The following LDLRAD4 variants were observed in gnomAD, a reference collection of about 807,000 sequenced individuals.
LDLRAD4 encodes the protein low density lipoprotein receptor class A domain containing 4.
A neutral mutation model predicts 17.0 loss-of-function variants in LDLRAD4; 5 were observed. The observed-to-expected ratio is 0.29, with a 90% CI of 0.15 to 0.62. LDLRAD4 has a LOEUF of 0.62. Among genes scored for constraint, LDLRAD4 ranks in the 20% least tolerant of loss-of-function variants. LDLRAD4 has a pLI of 0.84. For missense variants in LDLRAD4, 340 were observed against 424.7 expected, an observed-to-expected ratio of 0.80 and a Z score of 1.75; for synonymous variants, 168 against 171.8, an observed-to-expected ratio of 0.98 and a Z score of 0.17.
chr18:13,231,096 G>A lies in LDLRAD4; in HGVS notation c.-467+12108G>A, dbSNP rs1259256158. On this transcript the variant is annotated intron_variant, in intron 1 of 5. Coordinates refer to the LDLRAD4 transcript ENST00000399848. The stretch of plus-strand genomic sequence containing the variant: ...GTCCAGGGTGCTGCGGGGCTGCAGG[G>A]ATGAGTGAAGGTTCTTTCCCTGCCT... Among the ~76,000 whole-genome samples the A allele has an allele frequency of 5.3e-5, 8 of 152,202 alleles. No homozygotes were observed. The East Asian group carries it at 1.5e-3, about 29-fold the overall frequency.
At chr18:13,550,614 G>A (rs866269636) in intron 3 of LDLRAD4, among the ~76,000 whole-genome samples, 34 of 152,238 alleles carry the variant, frequency 2.2e-4, no homozygotes, top group Admixed American at 1.6e-3. Context: ...CCATCAAGAC[G>A]ATGAGTCCCG....
chr18:13,442,439 A>G (rs181592948), intron 3 of LDLRAD4, among the ~76,000 whole-genome samples: 39 of 152,340 alleles, frequency 2.6e-4, no homozygotes, highest in African/African-American at 9.1e-4. Context: ...CAGGGCCCAG[A>G]AGAGCATGAG....
At chr18:13,335,537 T>C (rs753672018) in intron 1 of LDLRAD4, among the ~76,000 whole-genome samples, 2 of 152,232 alleles carry the variant, frequency 1.3e-5, no homozygotes, top group African/African-American at 4.8e-5. Flanking sequence ...TTAGATTTGG[T>C]TGACCACTTT....
intron 1 of LDLRAD4, among the ~76,000 whole-genome samples, chr18:13,229,820 A>G (rs1411589582): frequency 6.6e-6 from 1 of 152,212 alleles, no homozygotes; most frequent in East Asian, 1.9e-4. Context: ...CTGGTGGAAG[A>G]CAGGTGTGCC....
At chr18:13,624,089 A>G (rs968688454) in intron 4 of LDLRAD4, among the ~76,000 whole-genome samples, 1 of 152,294 alleles carries the variant, frequency 6.6e-6, no homozygotes, top group African/African-American at 2.4e-5. Context: ...CCTACAGTGC[A>G]CAGGCAGTCC....
chr18:13,648,876 T>C (rs1414380494), exon 6 of LDLRAD4: 1 of 152,214 alleles, frequency 6.6e-6, no homozygotes. Context: ...GTTTGCTTTT[T>C]CAGAAACTCT....
chr18:13,318,285 A>C (rs1010849363), intron 1 of LDLRAD4, among the ~76,000 whole-genome samples: 3 of 151,516 alleles, frequency 2.0e-5, no homozygotes, highest in Non-Finnish European at 4.4e-5. Flanking sequence ...TTTTTGAGAC[A>C]GAGTCTCCCT....
intron 1 of LDLRAD4, among the ~76,000 whole-genome samples, chr18:13,294,721 T>C (rs1567976723): frequency 1.3e-5 from 2 of 151,812 alleles, no homozygotes; most frequent in African/African-American, 4.8e-5. Context: ...AGAGTCTTAA[T>C]GGTCACTAGG....
chr18:13,482,164 G>GC (rs1016582022), intron 3 of LDLRAD4, among the ~76,000 whole-genome samples: 8 of 152,152 alleles, frequency 5.3e-5, no homozygotes, highest in Non-Finnish European at 1.2e-4. Context: ...AGGGCTGGGG[G>GC]CCTGCAGAGA....
chr18:13,298,469 C>T (rs545052423), intron 1 of LDLRAD4, among the ~76,000 whole-genome samples: 22 of 132,062 alleles, frequency 1.7e-4, no homozygotes, highest in East Asian at 1.6e-3. Context: ...GCTCTGGGCA[C>T]GGTGATGGAG....
At chr18:13,329,690 C>A (rs1243659832) in intron 1 of LDLRAD4, among the ~76,000 whole-genome samples, 1 of 152,152 alleles carries the variant, frequency 6.6e-6, no homozygotes, top group African/African-American at 2.4e-5. Context: ...ATTTATCCTG[C>A]TGTGGTATGA....
chr18:13,352,863 G>A (rs561879023), intron 1 of LDLRAD4, among the ~76,000 whole-genome samples: 2 of 152,058 alleles, frequency 1.3e-5, no homozygotes, highest in South Asian at 4.2e-4. Flanking sequence ...TGAGTTTGCT[G>A]TTGAGCTCCT....
chr18:13,371,246 T>TG (rs1245229581), intron 1 of LDLRAD4, among the ~76,000 whole-genome samples: 1 of 152,084 alleles, frequency 6.6e-6, no homozygotes, highest in East Asian at 1.9e-4. Context: ...GAGGCTGAGA[T>TG]GGGGGGGCCA....
At chr18:13,612,573 C>T (rs1950518548) in intron 3 of LDLRAD4, 1 of 1,489,808 alleles carries the variant, frequency 6.7e-7, no homozygotes, top group East Asian at 2.5e-5. Flanking sequence ...CTCACACACT[C>T]TCCCACACCC....
At chr18:13,224,307 G>T (rs2041629766) in intron 1 of LDLRAD4, among the ~76,000 whole-genome samples, 1 of 152,066 alleles carries the variant, frequency 6.6e-6, no homozygotes, top group South Asian at 2.1e-4. Context: ...GCCTCCCCAT[G>T]GCACCTCTGG....
chr18:13,453,244 TGAG>T (rs945488926), intron 3 of LDLRAD4, among the ~76,000 whole-genome samples: 2 of 152,146 alleles, frequency 1.3e-5, no homozygotes, highest in Non-Finnish European at 2.9e-5. Flanking sequence ...GTTTTGGAAA[TGAG>T]GAGGCCCGTG....
rs1366863713 is a variant in LDLRAD4, at chr18:13,219,072, T to TG, written c.-467+84_-467+85insG. 7 of 148,636 alleles carry TG rather than the reference T, an allele frequency of 4.7e-5. No homozygotes were observed. In the East Asian group the frequency reaches 1.4e-3, roughly 29 times the overall value. The allele number at this position is 148,636 out of a possible 1,614,324, so 9.2% of individuals were successfully genotyped here. On this transcript the variant is annotated intron_variant, in intron 1 of 5. Coordinates refer to the LDLRAD4 transcript ENST00000399848. ...AGAGGGCATTTGCTTGTTTAAACTT[T>TG]TTTTTTTTTTTTTTTAATTGGAAAA...
intron 3 of LDLRAD4, among the ~76,000 whole-genome samples, chr18:13,531,396 C>T (rs1202756190): frequency 6.6e-6 from 1 of 150,728 alleles, no homozygotes. Context: ...GACTGCTTGA[C>T]CCCAGGAGTT....
At chr18:13,340,179 C>G (rs994877303) in intron 1 of LDLRAD4, among the ~76,000 whole-genome samples, 1 of 152,174 alleles carries the variant, frequency 6.6e-6, no homozygotes, top group Non-Finnish European at 1.5e-5. Flanking sequence ...TTGATGAACA[C>G]TTGGGTTGTT....
Sources: gnomAD v4.1 joint callset for allele counts (sites outside exome capture counted in the v4.1 genomes callset) on GRCh38, gnomAD v4.1.1 for gene constraint, MANE v1.5 for transcripts, NCBI Gene and HGNC (gene_info 2026-07-23, HGNC 2026-07-21) for gene names.